Variants in MIPEP observed in about 807,000 individuals in gnomAD.
MIPEP encodes the protein mitochondrial intermediate peptidase.
A neutral mutation model predicts 90.3 loss-of-function variants in MIPEP; 79 were observed. The observed-to-expected ratio is 0.87, with a 90% CI of 0.73 to 1.05. The LOEUF (loss-of-function observed/expected upper bound fraction) is 1.05, where lower values mean the gene tolerates loss of function less well. Ranked by LOEUF, MIPEP falls within the 50% of genes least tolerant of loss-of-function variation. MIPEP has a pLI of 0.00. For synonymous variants in MIPEP, 334 were observed against 315.8 expected, an observed-to-expected ratio of 1.06 and a Z score of -0.61; for missense variants, 940 against 905.6, an observed-to-expected ratio of 1.04 and a Z score of -0.49.
At chr13:23,760,392 G>C (rs2138516577) in intron 16 of MIPEP, 175 bp from the exon 17 acceptor site, 1 of 829,938 alleles carries the variant, frequency 1.2e-6, no homozygotes, top group African/African-American at 1.7e-5. Context: ...TACACTGTTA[G>C]GGCTGAACTG....
At chr13:23,866,188 A>C (rs1208365215) in intron 7 of MIPEP, among the ~76,000 whole-genome samples, 2 of 152,032 alleles carry the variant, frequency 1.3e-5, no homozygotes, top group African/African-American at 2.4e-5. Flanking sequence ...ACAGCCACAG[A>C]TGCATCTGAC....
In MIPEP at chr13:23,889,220, C is replaced by A; in HGVS notation, c.101G>T (p.Arg34Leu). 1 of 1,425,698 alleles carries A rather than the reference C, an allele frequency of 7.0e-7. No individual in the cohort carries two copies. Among genetic ancestry groups the A allele is most frequent in the Non-Finnish European group, 9.2e-7 (1 of 1,091,172 alleles). 88.3% of individuals were successfully genotyped at this position (1,425,698 alleles called of 1,614,324 possible). A position where few individuals can be genotyped will look rare whatever the true frequency, so the allele number is the denominator to read the frequency against. Reference sequence around the variant, plus strand: ...GGGAGACCAGCTGGTGCTGACCCTTCGGGCCCGGATCCCGGCTTCGAGGCT... The same window carrying A: ...GGGAGACCAGCTGGTGCTGACCCTTAGGGCCCGGATCCCGGCTTCGAGGCT... ...RGSLEAGIRA[R>L]RVSTSWSPVG... The change falls in exon 1 of 19, where the codon CGA (arginine) becomes CTA (leucine). Residue 34 changes from arginine (R) to leucine (L), a missense_variant. Coordinates refer to ENST00000382172, the MANE Select transcript of MIPEP (RefSeq NM_005932.4).
At chr13:23,756,299 C>T (rs1436033932) in intron 18 of MIPEP, among the ~76,000 whole-genome samples, 25 of 152,160 alleles carry the variant, frequency 1.6e-4, no homozygotes, top group Non-Finnish European at 8.8e-5. Flanking sequence ...GGATTACAGG[C>T]GTCTGCCACC....
intron 18 of MIPEP, among the ~76,000 whole-genome samples, chr13:23,742,009 C>T (rs1316796634): frequency 2.6e-5 from 4 of 152,128 alleles, no homozygotes. Flanking sequence ...AGAAAATGTC[C>T]TGAGGACCCC....
intron 14 of MIPEP, among the ~76,000 whole-genome samples, chr13:23,810,904 C>T (rs1033515870): frequency 6.6e-5 from 10 of 152,158 alleles, no homozygotes; most frequent in Admixed American, 5.2e-4. Flanking sequence ...AGATGACAAA[C>T]CTACAGCCTT....
chr13:23,851,008 T>C (rs1048439878), intron 10 of MIPEP, among the ~76,000 whole-genome samples: 1 of 152,202 alleles, frequency 6.6e-6, no homozygotes, highest in African/African-American at 2.4e-5. Context: ...CAGAGCCTTG[T>C]GGAAAACGAT....
At chr13:23,805,150 T>C (rs1000637979) in intron 16 of MIPEP, among the ~76,000 whole-genome samples, 19 of 152,224 alleles carry the variant, frequency 1.2e-4, no homozygotes, top group Non-Finnish European at 2.2e-4. Context: ...TGAACCACGT[T>C]TCTATCACTT....
intron 15 of MIPEP, among the ~76,000 whole-genome samples, chr13:23,806,723 TC>T (rs1953113486): frequency 2.8e-5 from 4 of 140,876 alleles, no homozygotes; most frequent in Non-Finnish European, 6.0e-5. Flanking sequence ...TCTATATCTA[TC>T]TATCTATCTA....
intron 16 of MIPEP, among the ~76,000 whole-genome samples, chr13:23,787,306 G>C (rs78577180): frequency 6.6e-6 from 1 of 152,178 alleles, no homozygotes. Context: ...TCCAGTGTCT[G>C]ATGACGGCCT....
At chr13:23,779,857 T>C (rs907448464) in intron 16 of MIPEP, among the ~76,000 whole-genome samples, 3 of 152,226 alleles carry the variant, frequency 2.0e-5, no homozygotes, top group African/African-American at 4.8e-5. Context: ...GCCTCGTTCA[T>C]TGCTAGCACA....
Position 23,734,795 on chromosome 13 carries a change from G to A in MIPEP, c.2045-4350C>T, listed in dbSNP as rs7984210. ...GCCCAAACCTCTAACAGCAGTTAGT[G>A]CGGCATCTCCACAGGGGGGAATGTT... On this transcript the variant is annotated intron_variant, in intron 18 of 18. Transcript: ENST00000382172. Among the ~76,000 whole-genome samples the A allele has an allele frequency of 5.4e-3, 821 of 152,302 alleles. 9 individuals are homozygous for A. The highest frequency in any genetic ancestry group is 0.019 in the African/African-American group (796 of 41,552).
chr13:23,871,512 G>A (rs1870807878), intron 5 of MIPEP, among the ~76,000 whole-genome samples: 1 of 152,168 alleles, frequency 6.6e-6, no homozygotes, highest in Non-Finnish European at 1.5e-5. Context: ...TCCGCACTGG[G>A]CTCATGTTGG....
chr13:23,880,828 G>A (rs368265999), intron 3 of MIPEP, among the ~76,000 whole-genome samples: 1 of 152,216 alleles, frequency 6.6e-6, no homozygotes. Context: ...GGTCTTCCAA[G>A]GAAGCCTCGT....
intron 14 of MIPEP, 100 bp from the exon 15 acceptor site, chr13:23,810,024 G>A (rs1017440580): frequency 1.6e-5 from 10 of 628,032 alleles, no homozygotes; most frequent in South Asian, 2.4e-5. Flanking sequence ...AATGTAACAT[G>A]AGTAATAGAA....
chr13:23,820,002 T>G (rs1259985372), intron 14 of MIPEP, among the ~76,000 whole-genome samples: 1 of 150,190 alleles, frequency 6.7e-6, no homozygotes, highest in Non-Finnish European at 1.5e-5. Context: ...AGAGGGAGAC[T>G]CCATCTCAAT....
At chr13:23,862,955 T>A (rs1424531272) in intron 8 of MIPEP, among the ~76,000 whole-genome samples, 1 of 152,154 alleles carries the variant, frequency 6.6e-6, no homozygotes, top group Non-Finnish European at 1.5e-5. Context: ...AAATCCTCAA[T>A]AAGTGCATAA....
intron 16 of MIPEP, among the ~76,000 whole-genome samples, chr13:23,774,437 TA>T (rs1191262575): frequency 2.0e-5 from 3 of 151,894 alleles, no homozygotes; most frequent in Non-Finnish European, 4.4e-5. Context: ...TCATTTTCTA[TA>T]AAAAAAAGCA....
rs899961204 is a variant in MIPEP, at chr13:23,855,630, G to C, written c.1106+3230C>G. 1.9e-4 allele frequency among the ~76,000 whole-genome samples: 29 copies of C among 152,202 alleles called. No individual in the cohort carries two copies. The East Asian group carries it at 5.6e-3, about 29-fold the overall frequency. ...TCCTTTCTTTTCTCATCCATTACCT[G>C]TGCGGCAGCCTCCTCTTGTCAATCA... On this transcript the variant is annotated intron_variant, in intron 10 of 18. Transcript: ENST00000382172.
intron 18 of MIPEP, among the ~76,000 whole-genome samples, chr13:23,755,040 G>C (rs184421380): frequency 6.6e-6 from 1 of 152,108 alleles, no homozygotes; most frequent in African/African-American, 2.4e-5. Context: ...CTATAAAACG[G>C]GGATCATAAC....
Sources: allele counts gnomAD v4.1 joint callset (sites outside exome capture counted in the v4.1 genomes callset), GRCh38; gene constraint gnomAD v4.1.1; transcripts MANE v1.5; gene names NCBI Gene and HGNC (gene_info 2026-07-23, HGNC 2026-07-21).